Variants in SFRP1 observed in about 807,000 individuals in gnomAD.
SFRP1 encodes secreted frizzled related protein 1, also known as secreted frizzled-related protein 1.
SFRP1 carries 9 observed loss-of-function variants against 25.9 expected under a neutral mutation model. The observed-to-expected ratio is 0.35, with a 90% confidence interval of 0.21 to 0.61. The LOEUF (loss-of-function observed/expected upper bound fraction) is 0.61. SFRP1 is among the 20% of genes least tolerant of loss of function. The pLI, the probability that SFRP1 is intolerant of heterozygous loss-of-function variation, is 0.78. For missense variants in SFRP1, 346 were observed against 418.2 expected (o/e 0.83, Z 1.51); for synonymous variants, 178 against 174.0 (o/e 1.02, Z -0.18).
intron 2 of SFRP1, among the ~76,000 whole-genome samples, chr8:41,295,103 C>T (rs1212280853): frequency 6.6e-6 from 1 of 152,238 alleles, no homozygotes; most frequent in Non-Finnish European, 1.5e-5. Flanking sequence ...TGGCTCACGC[C>T]TGGAATCTCA....
At chr8:41,275,332 T>TAAAA in intron 2 of SFRP1, 1 of 244,456 alleles carries the variant, frequency 4.1e-6, no homozygotes, top group South Asian at 3.2e-5. Context: ...AAGGTGCTGT[T>TAAAA]AAAAAAAAAA....
In SFRP1 at chr8:41,262,761, G is replaced by A. The variant is rs1420831592; in HGVS notation, c.*2406C>T. 1 of 152,170 alleles carries A rather than the reference G, an allele frequency of 6.6e-6. No homozygotes were observed. Among genetic ancestry groups the A allele is most frequent in the Non-Finnish European group, 1.5e-5 (1 of 68,036 alleles). 9.4% of individuals were successfully genotyped at this position (152,170 alleles called of 1,614,324 possible). A position where few individuals can be genotyped will look rare whatever the true frequency, so the allele number is the denominator to read the frequency against. ...TTGGTTTTGTTAGATACTTTGTGGA[G>A]AAAAACAAAGGCTCGTGATAGTGCA... On this transcript the variant is annotated 3_prime_UTR_variant, in exon 3 of 3. Coordinates refer to ENST00000220772, the MANE Select transcript of SFRP1 (RefSeq NM_003012.5).
chr8:41,273,353 T>C (rs1803534333), intron 2 of SFRP1, among the ~76,000 whole-genome samples: 1 of 150,286 alleles, frequency 6.7e-6, no homozygotes, highest in Non-Finnish European at 1.5e-5. Context: ...TAGCCAGGCA[T>C]AGTGATGCGC....
chr8:41,265,669 G>T (rs1272257228), intron 2 of SFRP1, among the ~76,000 whole-genome samples, 180 bp from the exon 3 acceptor site: 1 of 152,014 alleles, frequency 6.6e-6, no homozygotes, highest in Non-Finnish European at 1.5e-5. Context: ...GTGCAGAGTT[G>T]GTTTCATGGG....
intron 2 of SFRP1, among the ~76,000 whole-genome samples, chr8:41,272,210 A>G (rs868234832): frequency 9.2e-5 from 14 of 152,398 alleles, no homozygotes; most frequent in Middle Eastern, 3.4e-3. Flanking sequence ...TAAACATTCA[A>G]TATTAACCAA....
intron 2 of SFRP1, among the ~76,000 whole-genome samples, chr8:41,281,290 G>C (rs1272067885): frequency 1.3e-5 from 2 of 152,250 alleles, no homozygotes; most frequent in African/African-American, 4.8e-5. Flanking sequence ...GCTTTGCCCT[G>C]TTACACAGCT....
rs1022457654 is a variant in SFRP1 at position 41,306,949 on chromosome 8, C to T, written c.544+1667G>A. The T allele has an allele frequency of 7.2e-6, 11 of 1,522,098 alleles. No individual in the cohort carries two copies. In the African/African-American group the frequency reaches 1.2e-4, roughly 17 times the overall value. The allele number at this position is 1,522,098 out of a possible 1,614,324, so 94.3% of individuals were successfully genotyped here. On this transcript the variant is annotated intron_variant, in intron 1 of 2. Coordinates refer to ENST00000220772, the MANE Select transcript of SFRP1 (RefSeq NM_003012.5). ...CCCATGTTCCCTGTGGACTGCAGCA[C>T]CTTTTCCGCAGCCGAGCCCCCTAAG...
rs369641494 is a variant in SFRP1, at chr8:41,306,990, T to C, written c.544+1626A>G. On this transcript the variant is annotated intron_variant, in intron 1 of 2. Coordinates refer to ENST00000220772, the MANE Select transcript of SFRP1 (RefSeq NM_003012.5). ...GCCCCCTAAGGTGTCCACTCATGTC[T>C]GCAGACGGTCCCAGAAAGAGACCAT... 7.3e-5 allele frequency: 107 copies of C among 1,462,208 alleles called. 2 individuals carry two copies. The African/African-American group carries it at 1.5e-3, about 20-fold the overall frequency. 90.6% of individuals were successfully genotyped at this position (1,462,208 alleles called of 1,614,324 possible).
intron 2 of SFRP1, among the ~76,000 whole-genome samples, chr8:41,275,908 G>C (rs1413467873): frequency 6.6e-6 from 1 of 152,148 alleles, no homozygotes; most frequent in East Asian, 1.9e-4. Context: ...CATCACATTT[G>C]GCTGATTTTT....
rs530094472 is a variant in SFRP1, at chr8:41,272,343, G to A, written c.623-6854C>T. Among the ~76,000 whole-genome samples the A allele has an allele frequency of 1.4e-3, 220 of 152,252 alleles. 3 individuals are homozygous for A. Among genetic ancestry groups the A allele is most frequent in the African/African-American group, 5.0e-3 (206 of 41,558 alleles). ...AAAGAGGCCAGGCACGGTGGCTCAC[G>A]CCTGTAATCCCAGCACTTTGGGAGG... On this transcript the variant is annotated intron_variant, in intron 2 of 2. Transcript: ENST00000220772.
chr8:41,308,957 C>T lies in SFRP1; in HGVS notation c.203G>A (p.Cys68Tyr). The T allele has an allele frequency of 6.2e-7, 1 of 1,613,506 alleles. No homozygotes were observed. Among genetic ancestry groups the T allele is most frequent in the Non-Finnish European group, 8.5e-7 (1 of 1,179,952 alleles). ...CVDIPADLRL[C>Y]HNVGYKKMVL... Reference sequence around the variant, plus strand: ...CATCTTCTTGTAGCCCACGTTGTGGCACAGCCGCAGGTCCGCGGGGATGTC... The same window carrying T: ...CATCTTCTTGTAGCCCACGTTGTGGTACAGCCGCAGGTCCGCGGGGATGTC... Residue 68 changes from cysteine to tyrosine, a missense_variant, in exon 1 of 3, where the codon TGC becomes TAC. Physicochemically the swap from Cys to Tyr is radical, Grantham distance 194 (BLOSUM62 -2). Transcript: ENST00000220772.
chr8:41,309,305 C>T lies in SFRP1; in HGVS notation c.-146G>A. 1 of 978,516 alleles carries T rather than the reference C, an allele frequency of 1.0e-6. No individual in the cohort carries two copies. Among genetic ancestry groups the T allele is most frequent in the Non-Finnish European group, 1.3e-6 (1 of 769,934 alleles). 60.6% of individuals were successfully genotyped at this position (978,516 alleles called of 1,614,324 possible). A position where few individuals can be genotyped will look rare whatever the true frequency, so the allele number is the denominator to read the frequency against. ...GGCTCCGCGGCCGCAAGCTGCTGCC[C>T]GGTCCCCCCGGCCAGTGGCGGCCCT... On this transcript the variant is annotated 5_prime_UTR_variant, in exon 1 of 3. Coordinates refer to ENST00000220772, the MANE Select transcript of SFRP1 (RefSeq NM_003012.5).
intron 2 of SFRP1, among the ~76,000 whole-genome samples, chr8:41,285,526 C>T (rs1008141655): frequency 2.0e-5 from 3 of 147,622 alleles, no homozygotes; most frequent in African/African-American, 7.7e-5. Flanking sequence ...GCAGCCCCAG[C>T]TTACTATCAG....
At chr8:41,303,165 TC>T (rs1261504338) in intron 2 of SFRP1, among the ~76,000 whole-genome samples, 1 of 151,464 alleles carries the variant, frequency 6.6e-6, no homozygotes, top group Non-Finnish European at 1.5e-5. Flanking sequence ...CTGCTGTCCT[TC>T]CCTGCTCCTC....
chr8:41,291,864 G>GGACA (rs1193580495), intron 2 of SFRP1, among the ~76,000 whole-genome samples: 1 of 152,186 alleles, frequency 6.6e-6, no homozygotes, highest in Non-Finnish European at 1.5e-5. Context: ...GCTGGAGCAC[G>GGACA]GACAGAGGCA....
chr8:41,280,706 G>A (rs770146690), intron 2 of SFRP1, among the ~76,000 whole-genome samples: 12 of 152,180 alleles, frequency 7.9e-5, no homozygotes, highest in Non-Finnish European at 1.6e-4. Context: ...GTGGCTGCAG[G>A]AGCTGCTGAC....
At chr8:41,301,666 T>C (rs1422512935) in intron 2 of SFRP1, among the ~76,000 whole-genome samples, 5 of 152,220 alleles carry the variant, frequency 3.3e-5, no homozygotes, top group Non-Finnish European at 5.9e-5. Flanking sequence ...GTCAAATTCC[T>C]TCTTTATCAA....
chr8:41,283,952 C>G (rs1448882130), intron 2 of SFRP1, among the ~76,000 whole-genome samples: 2 of 152,190 alleles, frequency 1.3e-5, no homozygotes, highest in Non-Finnish European at 2.9e-5. Flanking sequence ...CCTGACTGTT[C>G]CATCCAACCT....
intron 2 of SFRP1, among the ~76,000 whole-genome samples, chr8:41,277,161 A>C (rs1383170708): frequency 6.6e-6 from 1 of 152,210 alleles, no homozygotes; most frequent in East Asian, 1.9e-4. Flanking sequence ...GGATCAGAGA[A>C]GAACTGTGGC....
Sources: allele counts gnomAD v4.1 joint callset (sites outside exome capture counted in the v4.1 genomes callset), GRCh38; gene constraint gnomAD v4.1.1; transcripts MANE v1.5; gene names NCBI Gene and HGNC (gene_info 2026-07-23, HGNC 2026-07-21).